The following TBC1D32 variants were observed in gnomAD, a reference collection of about 807,000 sequenced individuals.
TBC1D32 encodes TBC1 domain family member 32.
A neutral mutation model predicts 170.3 loss-of-function variants in TBC1D32; 151 were observed. The ratio of observed to expected loss-of-function variants is 0.89; its 90% CI spans 0.78 to 1.01. The LOEUF is 1.01. Ranked by LOEUF, TBC1D32 falls within the 50% of genes least tolerant of loss-of-function variation. TBC1D32 has a pLI of 0.00. For synonymous variants in TBC1D32, 498 were observed against 488.0 expected (o/e 1.02, Z -0.27); for missense variants, 1,464 against 1,457.1 (o/e 1.00, Z -0.08).
intron 20 of TBC1D32, among the ~76,000 whole-genome samples, chr6:121,236,130 GTT>G (rs35408887): frequency 1.1e-4 from 16 of 140,076 alleles, no homozygotes; most frequent in Admixed American, 4.3e-4. Context: ...TTTTATTTTT[GTT>G]TTTTTTTTTT....
intron 24 of TBC1D32, among the ~76,000 whole-genome samples, chr6:121,156,693 A>G (rs1384430545): frequency 6.6e-6 from 1 of 151,400 alleles, no homozygotes; most frequent in Non-Finnish European, 1.5e-5. Flanking sequence ...GCTGCATCCC[A>G]AAGATGTTAG....
rs186639216 is a variant in TBC1D32 at position 121,161,827 on chromosome 6, C to A, written c.2571-771G>T. Among the ~76,000 whole-genome samples the A allele has an allele frequency of 5.3e-5, 8 of 152,340 alleles. No individual in the cohort carries two copies. In the East Asian group the frequency reaches 1.3e-3, roughly 26 times the overall value. Reference sequence around the variant, plus strand: ...GTGTAAAAGCATTCTTTTTTCTCCACAACCATGCCAGCATCTGTTGTTTTT... The same window carrying A: ...GTGTAAAAGCATTCTTTTTTCTCCAAAACCATGCCAGCATCTGTTGTTTTT... On this transcript the variant is annotated intron_variant, in intron 22 of 31. Coordinates refer to ENST00000398212, the MANE Select transcript of TBC1D32 (RefSeq NM_152730.6).
At chr6:121,267,517 G>A (rs1222491257) in intron 15 of TBC1D32, among the ~76,000 whole-genome samples, 12 of 152,066 alleles carry the variant, frequency 7.9e-5, no homozygotes, top group African/African-American at 2.4e-4. Flanking sequence ...CCTCCCTCAC[G>A]GCTAGCACAG....
intron 3 of TBC1D32, among the ~76,000 whole-genome samples, chr6:121,316,269 ATTATTTTTC>A (rs1291160566): frequency 6.6e-6 from 1 of 152,126 alleles, no homozygotes; most frequent in African/African-American, 2.4e-5. Flanking sequence ...CAAATGCTCC[ATTATTTTTC>A]TTATGTTCCC....
At chr6:121,317,208 T>A (rs1201178205) in intron 3 of TBC1D32, among the ~76,000 whole-genome samples, 3 of 152,046 alleles carry the variant, frequency 2.0e-5, no homozygotes, top group Non-Finnish European at 4.4e-5. Flanking sequence ...ATGTTTTAAT[T>A]AGAGCTTAAG....
chr6:121,267,089 AAAAAAG>A lies in TBC1D32; in HGVS notation c.1734-10810_1734-10805del, dbSNP rs201418735. ...CTTAAAAGTAAAATTAAAAAAAAAAAAAAAAGAATAGGACACTAAAATAACAATGTG... is the reference window on the plus strand; with the variant it reads ...CTTAAAAGTAAAATTAAAAAAAAAAAAATAGGACACTAAAATAACAATGTG... On this transcript the variant is annotated intron_variant, in intron 15 of 31. Transcript: ENST00000398212. 7.1e-3 allele frequency among the ~76,000 whole-genome samples: 1,079 copies of A among 151,748 alleles called. 17 individuals carry two copies. Among genetic ancestry groups the A allele is most frequent in the African/African-American group, 0.025 (1,035 of 41,150 alleles).
intron 1 of TBC1D32, among the ~76,000 whole-genome samples, chr6:121,328,434 C>T (rs1810758705): frequency 6.6e-6 from 1 of 151,770 alleles, no homozygotes. Flanking sequence ...TACAGATGCC[C>T]GCCACCACAC....
At chr6:121,212,954 T>G (rs557964510) in intron 21 of TBC1D32, among the ~76,000 whole-genome samples, 12 of 152,224 alleles carry the variant, frequency 7.9e-5, no homozygotes, top group African/African-American at 2.6e-4. Flanking sequence ...AAAAACCAAA[T>G]GATTATCTCA....
intron 22 of TBC1D32, chr6:121,163,080 G>A (rs1196610238): frequency 2.6e-4 from 3 of 11,600 alleles, no homozygotes; most frequent in African/African-American, 5.9e-4. Context: ...CTACGCCCAC[G>A]GAATCTCGCT....
intron 1 of TBC1D32, among the ~76,000 whole-genome samples, chr6:121,331,630 T>A (rs1327769074): frequency 1.3e-5 from 2 of 152,194 alleles, no homozygotes; most frequent in African/African-American, 4.8e-5. Flanking sequence ...TGAGTAATTC[T>A]GAAATAAACA....
chr6:121,100,333 T>A (rs934433206), intron 30 of TBC1D32, among the ~76,000 whole-genome samples: 3 of 151,998 alleles, frequency 2.0e-5, no homozygotes, highest in African/African-American at 7.2e-5. Context: ...TTTAACTTTC[T>A]GTCTCATTGA....
intron 24 of TBC1D32, among the ~76,000 whole-genome samples, chr6:121,155,515 G>A (rs1023237310): frequency 2.0e-5 from 3 of 151,998 alleles, no homozygotes; most frequent in East Asian, 3.9e-4. Flanking sequence ...AATTGTTCTA[G>A]CAAGCACTTT....
At chr6:121,325,185 C>T (rs1810287088) in intron 1 of TBC1D32, among the ~76,000 whole-genome samples, 1 of 147,338 alleles carries the variant, frequency 6.8e-6, no homozygotes, top group Non-Finnish European at 1.5e-5. Context: ...ACACTCCAGC[C>T]TGGGTGACAC....
At chr6:121,221,825 T>C (rs904506630) in intron 21 of TBC1D32, among the ~76,000 whole-genome samples, 7 of 152,236 alleles carry the variant, frequency 4.6e-5, no homozygotes, top group African/African-American at 1.7e-4. Flanking sequence ...GTGAACACTG[T>C]TGAAATAACA....
In TBC1D32 at chr6:121,192,083, T is replaced by TATA. The variant is rs1554263770; in HGVS notation, c.2570+12991_2570+12992insTAT. On this transcript the variant is annotated intron_variant, in intron 22 of 31. Coordinates refer to ENST00000398212, the MANE Select transcript of TBC1D32 (RefSeq NM_152730.6). ...ACTACCCTTTATATATATATATATA[T>TATA]CCTATTAGTTCTATCCTTCTGGGGA... Among the ~76,000 whole-genome samples, 37 of 117,938 alleles carry TATA rather than the reference T, an allele frequency of 3.1e-4. 2 individuals carry two copies. The highest frequency in any genetic ancestry group is 5.9e-4 in the African/African-American group (13 of 22,196). 77.4% of individuals were successfully genotyped at this position (117,938 alleles called of 152,430 possible).
intron 26 of TBC1D32, among the ~76,000 whole-genome samples, chr6:121,123,189 C>G (rs993374369): frequency 6.6e-6 from 1 of 152,074 alleles, no homozygotes; most frequent in African/African-American, 2.4e-5. Context: ...ATGGGCTTTA[C>G]TGTGTTGAGG....
At chr6:121,222,532 A>C (rs146922552) in intron 21 of TBC1D32, among the ~76,000 whole-genome samples, 1 of 152,142 alleles carries the variant, frequency 6.6e-6, no homozygotes, top group African/African-American at 2.4e-5. Flanking sequence ...CCAAGTATTT[A>C]GGGTTAACAG....
intron 30 of TBC1D32, among the ~76,000 whole-genome samples, 184 bp from the exon 31 acceptor site, chr6:121,091,225 A>C (rs1227473261): frequency 6.6e-6 from 1 of 152,152 alleles, no homozygotes; most frequent in East Asian, 1.9e-4. Flanking sequence ...TTGTGAAAAA[A>C]ACTTTCATGG....
chr6:121,120,201 C>G (rs899398070), intron 26 of TBC1D32, among the ~76,000 whole-genome samples: 1 of 151,932 alleles, frequency 6.6e-6, no homozygotes, highest in Non-Finnish European at 1.5e-5. Context: ...TGGTGAATAG[C>G]TTCAGCTGGA....
Sources: allele counts gnomAD v4.1 joint callset (sites outside exome capture counted in the v4.1 genomes callset), GRCh38; gene constraint gnomAD v4.1.1; transcripts MANE v1.5; gene names NCBI Gene and HGNC (gene_info 2026-07-23, HGNC 2026-07-21).